The following CERK variants were observed in gnomAD, a reference collection of about 807,000 sequenced individuals.
CERK encodes ceramide kinase, also known as acylsphingosine kinase.
A neutral mutation model predicts 63.4 loss-of-function variants in CERK; 39 were observed. That is an observed-to-expected ratio of 0.61 (90% CI 0.48 to 0.80). The LOEUF (loss-of-function observed/expected upper bound fraction) is 0.80. Ranked by LOEUF, CERK falls within the 30% of genes least tolerant of loss-of-function variation. CERK has a pLI of 0.00. For missense variants in CERK, 670 were observed against 714.1 expected, an observed-to-expected ratio of 0.94 and a Z score of 0.70; for synonymous variants, 302 against 280.0, an observed-to-expected ratio of 1.08 and a Z score of -0.78.
chr22:46,724,981 A>G (rs1413165344), intron 1 of CERK, among the ~76,000 whole-genome samples: 1 of 152,024 alleles, frequency 6.6e-6, no homozygotes, highest in Non-Finnish European at 1.5e-5. Context: ...AGATTGCGCC[A>G]CTGCACTCCA....
intron 1 of CERK, among the ~76,000 whole-genome samples, chr22:46,725,634 C>T (rs996883652): frequency 5.9e-5 from 9 of 152,196 alleles, no homozygotes; most frequent in African/African-American, 1.4e-4. Context: ...GATAAATTCT[C>T]GTGACAGAAT....
intron 6 of CERK, among the ~76,000 whole-genome samples, chr22:46,707,160 G>T (rs1164207766): frequency 6.6e-6 from 1 of 152,040 alleles, no homozygotes; most frequent in Non-Finnish European, 1.5e-5. Flanking sequence ...TGACGAGAGT[G>T]AAAGTGTGCA....
chr22:46,698,104 G>A (rs913394918), intron 8 of CERK, among the ~76,000 whole-genome samples: 5 of 152,240 alleles, frequency 3.3e-5, no homozygotes, highest in Non-Finnish European at 5.9e-5. Context: ...GAGGATGCAG[G>A]TGCCCACCAC....
In CERK at chr22:46,738,089, G is replaced by T; in HGVS notation, c.60C>A (p.Arg20=). The T allele has an allele frequency of 3.9e-6, 5 of 1,290,290 alleles. No individual in the cohort carries two copies. The highest frequency in any genetic ancestry group is 4.9e-6 in the Non-Finnish European group (5 of 1,011,366). 79.9% of individuals were successfully genotyped at this position (1,290,290 alleles called of 1,614,324 possible). ...GCGCGGGCTCCAGGCTCACGGCGCA[G>T]CGCTGCTGCTTCACCCACAGCACGG... ...LQSVLWVKQQ[R]CAVSLEPARA... Residue 20 remains arginine, a synonymous_variant, in exon 1 of 13, where the codon CGC becomes CGA. Transcript: ENST00000216264.
intron 6 of CERK, among the ~76,000 whole-genome samples, chr22:46,707,161 A>G (rs1415559261): frequency 6.6e-6 from 1 of 152,002 alleles, no homozygotes; most frequent in Non-Finnish European, 1.5e-5. Flanking sequence ...GACGAGAGTG[A>G]AAGTGTGCAC....
intron 1 of CERK, among the ~76,000 whole-genome samples, chr22:46,730,588 ATCTAT>A (rs2082940688): frequency 6.6e-6 from 1 of 152,222 alleles, no homozygotes; most frequent in Non-Finnish European, 1.5e-5. Context: ...AGCAGAAAGA[ATCTAT>A]TCTAAAGAGC....
chr22:46,700,940 G>A (rs2082780379), intron 7 of CERK, among the ~76,000 whole-genome samples: 1 of 151,974 alleles, frequency 6.6e-6, no homozygotes, highest in Non-Finnish European at 1.5e-5. Flanking sequence ...GAACTTGGGA[G>A]GTGGAAGTTG....
chr22:46,707,599 G>C (rs557366642), intron 6 of CERK, among the ~76,000 whole-genome samples: 15 of 152,310 alleles, frequency 9.8e-5, no homozygotes, highest in Admixed American at 9.1e-4. Context: ...CCAGCGGTGG[G>C]GTTCTCCTGC....
At chr22:46,721,943 T>C (rs2082894749) in intron 1 of CERK, among the ~76,000 whole-genome samples, 1 of 152,114 alleles carries the variant, frequency 6.6e-6, no homozygotes, top group Admixed American at 6.6e-5. Flanking sequence ...TCAAAGAAAG[T>C]TCTGGGCTGG....
chr22:46,696,750 G>A (rs1299929091), intron 8 of CERK, among the ~76,000 whole-genome samples: 1 of 152,188 alleles, frequency 6.6e-6, no homozygotes, highest in African/African-American at 2.4e-5. Context: ...GGGATCCAGA[G>A]ACCCGGAAGG....
chr22:46,695,459 C>T lies in CERK; in HGVS notation c.944-144G>A, dbSNP rs147497329. 1.1e-3 allele frequency: 754 copies of T among 659,888 alleles called. 2 individuals are homozygous for T. In the African/African-American group the frequency reaches 0.012, roughly 11 times the overall value. 40.9% of individuals were successfully genotyped at this position (659,888 alleles called of 1,614,324 possible). On this transcript the variant is annotated intron_variant, in intron 8 of 12. Transcript: ENST00000216264. ...AGGGAGAGGCCGGGCCTGCTTCAGG[C>T]CATGTCACCATTGAAGGCAGTGGCA...
At position 46,699,436 on chromosome 22, in the gene CERK, C is replaced by T. The variant is rs2082772441; in HGVS notation, c.820G>A (p.Val274Ile). ...CGAAGGAGTGTGCTGTTGTGGTGGA[C>T]TGAGGACACATCCATGGCCAGCGAG... ...GDSLAMDVSS[V>I]HHNSTLLRYS... Residue 274 changes from valine (V) to isoleucine (I), a missense_variant, in exon 8 of 13, where the codon GTC (valine) becomes ATC (isoleucine). Coordinates refer to ENST00000216264, the MANE Select transcript of CERK (RefSeq NM_022766.6). 9.9e-6 allele frequency: 16 copies of T among 1,614,188 alleles called. No individual in the cohort carries two copies. Among genetic ancestry groups the T allele is most frequent in the Non-Finnish European group, 1.3e-5 (15 of 1,180,018 alleles).
chr22:46,722,756 G>T (rs1244307025), intron 1 of CERK, among the ~76,000 whole-genome samples: 1 of 152,084 alleles, frequency 6.6e-6, no homozygotes, highest in Non-Finnish European at 1.5e-5. Flanking sequence ...ACAGGGTTTT[G>T]CCATGTTAGC....
chr22:46,716,663 G>T (rs1163519396), intron 3 of CERK, among the ~76,000 whole-genome samples: 2 of 151,892 alleles, frequency 1.3e-5, no homozygotes, highest in Non-Finnish European at 2.9e-5. Flanking sequence ...AACCAGCTGG[G>T]CATGGTGGCT....
Position 46,699,331 on chromosome 22 carries a change from C to T in CERK, c.925G>A (p.Ala309Thr). The T allele has an allele frequency of 3.1e-6, 5 of 1,614,170 alleles. No homozygotes were observed. The South Asian group carries it at 3.3e-5, about 11-fold the overall frequency. Residue 309 changes from alanine to threonine, a missense_variant, in exon 8 of 13, where the codon GCC becomes ACC. Physicochemically the swap from Ala to Thr is moderately conservative, Grantham distance 58. Transcript: ENST00000216264. The stretch of plus-strand genomic sequence containing the variant: ...GAGTTACCTGAAAAGTCGTATCTGG[C>T]AAGACCCAACCACCGTTTCTTCTCA... ...DSEKKRWLGL[A>T]RYDFSGLKTF...
chr22:46,701,538 G>T, intron 7 of CERK, 98 bp downstream of exon 7: 1 of 1,025,780 alleles, frequency 9.7e-7, no homozygotes, highest in Non-Finnish European at 1.4e-6. Flanking sequence ...GGACAGGACG[G>T]CAACGGCTGG....
intron 7 of CERK, 41 bp from the exon 8 acceptor site, chr22:46,699,506 C>A: frequency 6.2e-7 from 1 of 1,605,608 alleles, no homozygotes; most frequent in Admixed American, 1.7e-5. Flanking sequence ...AGCCCCCCTC[C>A]AGCCCCGCCC....
chr22:46,691,135 C>T (rs965702243), intron 11 of CERK, among the ~76,000 whole-genome samples: 11 of 152,006 alleles, frequency 7.2e-5, no homozygotes, highest in African/African-American at 2.4e-4. Flanking sequence ...AGTGCAGTTG[C>T]GTGATCTCAG....
intron 12 of CERK, among the ~76,000 whole-genome samples, chr22:46,689,730 A>G (rs1454288896): frequency 6.6e-6 from 1 of 152,216 alleles, no homozygotes; most frequent in Admixed American, 6.5e-5. Context: ...AAAGAATGAA[A>G]TGGAGGAGCT....
Sources: gnomAD v4.1 joint callset for allele counts (sites outside exome capture counted in the v4.1 genomes callset) on GRCh38, gnomAD v4.1.1 for gene constraint, MANE v1.5 for transcripts, NCBI Gene and HGNC (gene_info 2026-07-23, HGNC 2026-07-21) for gene names.